Variants in NDUFA11 observed in about 807,000 individuals in gnomAD.
NDUFA11 encodes NADH:ubiquinone oxidoreductase subunit A11.
NDUFA11 carries 14 observed loss-of-function variants against 11.3 expected under a neutral mutation model. The ratio of observed to expected loss-of-function variants is 1.24; its 90% confidence interval spans 0.82 to 1.94. The LOEUF (loss-of-function observed/expected upper bound fraction) is 1.94. NDUFA11 is among the 30% of genes most tolerant of loss of function. The pLI is 0.00. For synonymous variants in NDUFA11, 87 were observed against 85.6 expected (o/e 1.02, Z -0.09); for missense variants, 204 against 200.3 (o/e 1.02, Z -0.11).
At position 5,896,668 on chromosome 19, in the gene NDUFA11, C is replaced by G. The variant is rs1436760923; in HGVS notation, c.191-93G>C. Reference sequence around the variant, plus strand: ...GCCAGTGTCTGGATGGAGAGAGATGCCACGAGTCGGCTGCTCGCTGTGCAT... The same window carrying G: ...GCCAGTGTCTGGATGGAGAGAGATGGCACGAGTCGGCTGCTCGCTGTGCAT... On this transcript the variant is annotated intron_variant, in intron 2 of 3. Transcript: ENST00000308961. The surrounding 1 kb of genome is among the most constrained non-coding windows in gnomAD (Gnocchi z 5.8). 2 of 1,534,554 alleles carry G rather than the reference C, an allele frequency of 1.3e-6. No individual in the cohort carries two copies. Among genetic ancestry groups the G allele is most frequent in the East Asian group, 2.4e-5 (1 of 40,902 alleles).
At chr19:5,901,224 A>C in intron 1 of NDUFA11, 38 of 997,184 alleles carry the variant, frequency 3.8e-5, no homozygotes, top group Non-Finnish European at 4.7e-5. Flanking sequence ...CACATGAGGA[A>C]TGCACACACT....
chr19:5,896,882 C>A lies in NDUFA11; in HGVS notation c.190+23G>T. ...GGGCTGTGCCAGGAGAGGGCCCAGC[C>A]ATGCCCAGCCCAGCGTGCTCACCTG... is the stretch of plus-strand genomic sequence containing the variant. On this transcript the variant is annotated intron_variant, in intron 2 of 3. Transcript: ENST00000308961. The surrounding 1 kb of genome is among the most constrained non-coding windows in gnomAD (Gnocchi z 5.8). 1 of 1,595,684 alleles carries A rather than the reference C, an allele frequency of 6.3e-7. No individual in the cohort carries two copies. The highest frequency in any genetic ancestry group is 8.6e-7 in the Non-Finnish European group (1 of 1,163,542).
At chr19:5,901,066 C>G (rs1169190685) in intron 1 of NDUFA11, among the ~76,000 whole-genome samples, 1 of 152,150 alleles carries the variant, frequency 6.6e-6, no homozygotes, top group Non-Finnish European at 1.5e-5. Context: ...GACATGGCAA[C>G]TCTGTCAAAA....
chr19:5,891,288 C>T (rs1674158), downstream of NDUFA11: 63,372 of 151,416 alleles, frequency 0.42, 14,007 homozygotes, highest in East Asian at 0.69. Flanking sequence ...TACAAAGTCT[C>T]GCTCACTGTC....
At chr19:5,891,970 TTGTG>T (rs1237485554), downstream of NDUFA11, 1 of 152,260 alleles carries the variant, frequency 6.6e-6, no homozygotes, top group Non-Finnish European at 1.5e-5. Flanking sequence ...GGGGGCCCTC[TTGTG>T]TGTGGGGTGG....
At chr19:5,902,015 G>A (rs927632096) in intron 1 of NDUFA11, among the ~76,000 whole-genome samples, 63 of 151,620 alleles carry the variant, frequency 4.2e-4, no homozygotes, top group African/African-American at 1.5e-3. Context: ...TCACTCTGTC[G>A]CCCAGGCTGG....
rs748026968 is a variant in NDUFA11 at position 5,903,644 on chromosome 19, G to A, written c.65C>T (p.Ala22Val). The A allele has an allele frequency of 6.4e-7, 1 of 1,551,408 alleles. No individual in the cohort carries two copies. Among genetic ancestry groups the A allele is most frequent in the South Asian group, 1.2e-5 (1 of 84,070 alleles). ...GCTGGCAATACTGGTGGTGCTGTAG[G>A]CTTTGCGGTGGCAATCGGTGCCATC... Reference protein sequence around the residue: ...IPDGTDCHRKAYSTTSIASVA... With the variant: ...IPDGTDCHRKVYSTTSIASVA... Residue 22 changes from alanine (A) to valine (V), a missense_variant, in exon 1 of 4, where the codon GCC (alanine) becomes GTC (valine). Coordinates refer to ENST00000308961, the MANE Select transcript of NDUFA11 (RefSeq NM_175614.5).
downstream of NDUFA11, chr19:5,893,246 C>T (rs925283770): frequency 2.6e-5 from 39 of 1,514,382 alleles, no homozygotes; most frequent in Non-Finnish European, 2.7e-5. This position sits in a 1 kb window ranked among gnomAD's most constrained non-coding sequence, Gnocchi z 4.1. Context: ...CTGCTCGAGG[C>T]CAGGAGTTTG....
downstream of NDUFA11, among the ~76,000 whole-genome samples, chr19:5,894,227 C>T (rs757620847): frequency 2.6e-5 from 4 of 152,254 alleles, no homozygotes; most frequent in Non-Finnish European, 5.9e-5. Context: ...GTCCGGGGCT[C>T]TCCGCTCCAG....
chr19:5,895,938 C>G (rs1599692177), intron 3 of NDUFA11: 2 of 193,010 alleles, frequency 1.0e-5, no homozygotes, highest in East Asian at 2.6e-4. Flanking sequence ...CTGCAGGGCT[C>G]CAGGTGCAGG....
chr19:5,903,061 T>C (rs1272758673), intron 1 of NDUFA11, among the ~76,000 whole-genome samples: 2 of 149,300 alleles, frequency 1.3e-5, no homozygotes, highest in Non-Finnish European at 3.0e-5. Flanking sequence ...TCCCCTTCAT[T>C]CCCCTGCAAG....
chr19:5,894,956 CCT>C, intron 3 of NDUFA11, 102 bp from the exon 4 acceptor site: 1 of 1,270,686 alleles, frequency 7.9e-7, no homozygotes, highest in Admixed American at 2.3e-5. Flanking sequence ...GACTGAGACC[CCT>C]GACAGGACAC....
chr19:5,892,101 G>C (rs889825172), downstream of NDUFA11: 2 of 152,430 alleles, frequency 1.3e-5, no homozygotes, highest in African/African-American at 4.8e-5. Context: ...TGGGGGGCCC[G>C]TCCTGCAGGC....
chr19:5,898,893 A>AG (rs934688736), intron 1 of NDUFA11, among the ~76,000 whole-genome samples: 2 of 151,078 alleles, frequency 1.3e-5, no homozygotes, highest in African/African-American at 4.9e-5. Context: ...AAAAAAAAAA[A>AG]AAAGAAAGAA....
In NDUFA11 at chr19:5,896,220, G is replaced by T; in HGVS notation, c.313+233C>A. 1 of 604,354 alleles carries T rather than the reference G, an allele frequency of 1.7e-6. No homozygotes were observed. Among genetic ancestry groups the T allele is most frequent in the South Asian group, 2.0e-5 (1 of 50,666 alleles). 37.4% of individuals were successfully genotyped at this position (604,354 alleles called of 1,614,324 possible). Reference sequence around the variant, plus strand: ...GAGGAGCAGTGAGGAGGCCCGTGTGGCTGGAGCAGAGTGAGGAGGGGAGGG... The same window carrying T: ...GAGGAGCAGTGAGGAGGCCCGTGTGTCTGGAGCAGAGTGAGGAGGGGAGGG... On this transcript the variant is annotated intron_variant, in intron 3 of 3. Transcript: ENST00000308961. The surrounding 1 kb of genome is among the most constrained non-coding windows in gnomAD (Gnocchi z 5.8).
chr19:5,899,659 G>GT (rs2057633100), intron 1 of NDUFA11, among the ~76,000 whole-genome samples: 6 of 151,500 alleles, frequency 4.0e-5, no homozygotes, highest in African/African-American at 1.2e-4. Context: ...TAGAGACGGG[G>GT]TTTTACCATG....
At chr19:5,899,549 G>A (rs2057632366) in intron 1 of NDUFA11, among the ~76,000 whole-genome samples, 1 of 135,562 alleles carries the variant, frequency 7.4e-6, no homozygotes, top group South Asian at 2.4e-4. Context: ...CTGCCTCCTT[G>A]GTTCAATTTT....
downstream of NDUFA11, among the ~76,000 whole-genome samples, chr19:5,893,614 A>T (rs28506987): frequency 0.056 from 8,484 of 152,006 alleles, 635 homozygotes; most frequent in African/African-American, 0.17. This position sits in a 1 kb window ranked among gnomAD's most constrained non-coding sequence, Gnocchi z 4.1. Flanking sequence ...AACATTTTTT[A>T]AAAAAATTAA....
intron 1 of NDUFA11, among the ~76,000 whole-genome samples, chr19:5,902,014 C>T (rs1043040956): frequency 4.0e-5 from 6 of 151,752 alleles, no homozygotes; most frequent in South Asian, 4.2e-4. Context: ...CTCACTCTGT[C>T]GCCCAGGCTG....
Sources: allele counts gnomAD v4.1 joint callset (sites outside exome capture counted in the v4.1 genomes callset), GRCh38; gene constraint gnomAD v4.1.1; non-coding constraint Gnocchi (gnomAD v3.1); transcripts MANE v1.5; gene names NCBI Gene and HGNC (gene_info 2026-07-23, HGNC 2026-07-21).